Variants in CNTNAP2 observed in about 807,000 individuals in gnomAD.
CNTNAP2 encodes contactin-associated protein-like 2.
A neutral mutation model predicts 155.2 loss-of-function variants in CNTNAP2; 98 were observed. The ratio of observed to expected loss-of-function variants is 0.63; its 90% CI spans 0.54 to 0.75. The LOEUF (loss-of-function observed/expected upper bound fraction) is 0.75, where lower values mean the gene tolerates loss of function less well. Among genes scored for constraint, CNTNAP2 ranks in the 30% least tolerant of loss-of-function variants. The pLI, the probability that CNTNAP2 is intolerant of heterozygous loss-of-function variation, is 0.00. For missense variants in CNTNAP2, 1,727 were observed against 1,688.1 expected, an observed-to-expected ratio of 1.02 and a Z score of -0.40; for synonymous variants, 651 against 631.2, an observed-to-expected ratio of 1.03 and a Z score of -0.47.
intron 1 of CNTNAP2, among the ~76,000 whole-genome samples, chr7:146,679,084 T>C (rs1267953658): frequency 1.3e-5 from 2 of 152,154 alleles, no homozygotes; most frequent in Admixed American, 1.3e-4. Flanking sequence ...TGGAGGCCTG[T>C]TGTATAGATT....
At chr7:148,215,340 C>T (rs1795617172) in intron 18 of CNTNAP2, among the ~76,000 whole-genome samples, 1 of 152,118 alleles carries the variant, frequency 6.6e-6, no homozygotes, top group Admixed American at 6.5e-5. Flanking sequence ...AAGGGTGACA[C>T]CAGTCCAAGT....
At chr7:147,960,065 A>G (rs768611039) in intron 14 of CNTNAP2, among the ~76,000 whole-genome samples, 30 of 152,234 alleles carry the variant, frequency 2.0e-4, no homozygotes, top group Non-Finnish European at 3.4e-4. Flanking sequence ...CTTCATGCCA[A>G]TACATCCTTG....
chr7:147,808,545 T>C (rs556967804), intron 13 of CNTNAP2, among the ~76,000 whole-genome samples: 25 of 152,354 alleles, frequency 1.6e-4, no homozygotes, highest in Non-Finnish European at 2.8e-4. Context: ...CTTCCCTGTG[T>C]CTAACCCTTG....
At chr7:146,986,946 G>A (rs2129238023) in intron 3 of CNTNAP2, among the ~76,000 whole-genome samples, 1 of 151,512 alleles carries the variant, frequency 6.6e-6, no homozygotes, top group South Asian at 2.1e-4. Context: ...ACTAGCATTT[G>A]GCAATTAGCA....
intron 1 of CNTNAP2, among the ~76,000 whole-genome samples, chr7:146,611,270 T>A (rs1799131932): frequency 6.6e-6 from 1 of 152,144 alleles, no homozygotes; most frequent in Admixed American, 6.5e-5. Flanking sequence ...CTTTATTTTT[T>A]TGTCGATACA....
chr7:147,341,937 A>C (rs1330052511), intron 9 of CNTNAP2, among the ~76,000 whole-genome samples: 1 of 152,208 alleles, frequency 6.6e-6, no homozygotes, highest in Non-Finnish European at 1.5e-5. Context: ...GCCATAGACC[A>C]TGAGGCTTAA....
Position 147,592,082 on chromosome 7 carries a change from T to C in CNTNAP2, c.1897+29825T>C, listed in dbSNP as rs114006755. On this transcript the variant is annotated intron_variant, in intron 12 of 23. Transcript: ENST00000361727. ...TTCATATCACTGACATTGTATAGGA[T>C]AATTATTTCTGCCTTGGACTAAGTG... Among the ~76,000 whole-genome samples, 964 of 152,330 alleles carry C rather than the reference T, an allele frequency of 6.3e-3. 7 individuals are homozygous for C. Among genetic ancestry groups the C allele is most frequent in the African/African-American group, 0.021 (872 of 41,586 alleles).
At chr7:146,206,495 G>A (rs927640588) in intron 1 of CNTNAP2, among the ~76,000 whole-genome samples, 7 of 151,818 alleles carry the variant, frequency 4.6e-5, no homozygotes, top group African/African-American at 9.7e-5. Flanking sequence ...GGTTTATAAA[G>A]TAGTCTAGAC....
intron 8 of CNTNAP2, among the ~76,000 whole-genome samples, chr7:147,142,287 T>G (rs1350232262): frequency 6.6e-6 from 1 of 152,110 alleles, no homozygotes; most frequent in Non-Finnish European, 1.5e-5. Flanking sequence ...GCATGAAGTG[T>G]TGTTGAATTT....
intron 1 of CNTNAP2, among the ~76,000 whole-genome samples, chr7:146,277,820 G>C (rs1206547429): frequency 6.6e-6 from 1 of 152,112 alleles, no homozygotes; most frequent in Non-Finnish European, 1.5e-5. Flanking sequence ...TTCATGAAAA[G>C]CTTCCTGGAT....
At chr7:148,249,371 G>C (rs1327181755) in intron 20 of CNTNAP2, among the ~76,000 whole-genome samples, 3 of 152,144 alleles carry the variant, frequency 2.0e-5, no homozygotes, top group African/African-American at 7.2e-5. Context: ...CTTTTGCTCT[G>C]TCTCCTTCAC....
At chr7:146,283,357 G>A (rs2129085196) in intron 1 of CNTNAP2, among the ~76,000 whole-genome samples, 1 of 152,164 alleles carries the variant, frequency 6.6e-6, no homozygotes, top group East Asian at 1.9e-4. Context: ...AAAAATGAGT[G>A]GTTCTGTTTT....
chr7:146,581,604 G>T (rs1798611640), intron 1 of CNTNAP2, among the ~76,000 whole-genome samples: 1 of 151,374 alleles, frequency 6.6e-6, no homozygotes, highest in Non-Finnish European at 1.5e-5. Flanking sequence ...GTTATCAAAG[G>T]TCAACACTCA....
intron 13 of CNTNAP2, among the ~76,000 whole-genome samples, chr7:147,734,061 T>C (rs112019297): frequency 0.6 from 91,992 of 152,204 alleles, 30,277 homozygotes; most frequent in East Asian, 0.9. Flanking sequence ...TGTTCAATAG[T>C]AGTGGTGAGA....
chr7:147,368,629 C>T (rs192855988), intron 9 of CNTNAP2, among the ~76,000 whole-genome samples: 1 of 152,254 alleles, frequency 6.6e-6, no homozygotes, highest in East Asian at 1.9e-4. Context: ...CTGGCTACTG[C>T]AACCTTTGGG....
rs144845041 is a variant in CNTNAP2, at chr7:146,618,532, G to A, written c.98-155739G>A. On this transcript the variant is annotated intron_variant, in intron 1 of 23. Transcript: ENST00000361727. The stretch of plus-strand genomic sequence containing the variant: ...AGACTGTTCCTATGATGATGAATGA[G>A]TGTATTTTTCAAAATCCAAAGGACA... Among the ~76,000 whole-genome samples, 835 of 152,176 alleles carry A rather than the reference G, an allele frequency of 5.5e-3. 3 individuals are homozygous for A. The highest frequency in any genetic ancestry group is 0.018 in the African/African-American group (750 of 41,538).
At chr7:146,904,062 AC>A (rs1796064333) in intron 3 of CNTNAP2, among the ~76,000 whole-genome samples, 1 of 152,170 alleles carries the variant, frequency 6.6e-6, no homozygotes, top group Non-Finnish European at 1.5e-5. Context: ...AACACTCACA[AC>A]CCTTCATTGC....
intron 3 of CNTNAP2, among the ~76,000 whole-genome samples, chr7:147,031,162 C>T (rs142524948): frequency 1.3e-5 from 2 of 152,120 alleles, no homozygotes; most frequent in African/African-American, 2.4e-5. Context: ...TTTAACATAT[C>T]ACAAAATGGA....
intron 3 of CNTNAP2, among the ~76,000 whole-genome samples, chr7:147,017,849 G>T (rs183217244): frequency 6.6e-6 from 1 of 151,994 alleles, no homozygotes; most frequent in African/African-American, 2.4e-5. Context: ...TATGATCAAT[G>T]AATGAAAGAT....
Sources: gnomAD v4.1 joint callset for allele counts (sites outside exome capture counted in the v4.1 genomes callset) on GRCh38, gnomAD v4.1.1 for gene constraint, MANE v1.5 for transcripts, NCBI Gene and HGNC (gene_info 2026-07-23, HGNC 2026-07-21) for gene names.